Variants in CERK observed in about 807,000 individuals in gnomAD.
The protein encoded by CERK is ceramide kinase.
Under a neutral mutation model 63.4 loss-of-function variants are expected in CERK, and 39 were observed. The ratio of observed to expected loss-of-function variants is 0.61; its 90% CI spans 0.48 to 0.80. CERK has a LOEUF of 0.80. Among genes scored for constraint, CERK ranks in the 30% least tolerant of loss-of-function variants. The pLI is 0.00. For missense variants in CERK, 670 were observed against 714.1 expected, an observed-to-expected ratio of 0.94 and a Z score of 0.70; for synonymous variants, 302 against 280.0, an observed-to-expected ratio of 1.08 and a Z score of -0.78.
chr22:46,723,626 CAA>C (rs1313458859), intron 1 of CERK, among the ~76,000 whole-genome samples: 5 of 150,842 alleles, frequency 3.3e-5, no homozygotes, highest in Non-Finnish European at 7.4e-5. Context: ...CTCAGGAAAA[CAA>C]AAAAAGAAGA....
At chr22:46,725,466 C>T (rs1027110607) in intron 1 of CERK, among the ~76,000 whole-genome samples, 3 of 152,172 alleles carry the variant, frequency 2.0e-5, no homozygotes, top group African/African-American at 7.2e-5. Context: ...AAATTGCCGG[C>T]ACCAAGCAGC....
At chr22:46,693,380 C>G in intron 10 of CERK, 47 bp downstream of exon 10, 1 of 1,536,242 alleles carries the variant, frequency 6.5e-7, no homozygotes, top group South Asian at 1.1e-5. Flanking sequence ...GAAACCCGCA[C>G]TCCAGCACAC....
intron 1 of CERK, among the ~76,000 whole-genome samples, chr22:46,734,171 T>C (rs912927438): frequency 6.6e-6 from 1 of 152,044 alleles, no homozygotes; most frequent in Non-Finnish European, 1.5e-5. Flanking sequence ...TCAGGGTGTC[T>C]TTATCCACAT....
Position 46,712,212 on chromosome 22 carries a change from A to G in CERK, c.461T>C (p.Val154Ala), listed in dbSNP as rs2082844656. 1 of 1,614,122 alleles carries G rather than the reference A, an allele frequency of 6.2e-7. No individual in the cohort carries two copies. Among genetic ancestry groups the G allele is most frequent in the African/African-American group, 1.3e-5 (1 of 74,954 alleles). ...GGAGGCTAAGGTGAACAGTGGTGCC[A>G]CTTTTCTTTCATATATCCGCTTGCC... ...GQGKRIYERK[V>A]APLFTLASIT... is the part of the protein sequence containing the mutation. The change falls in exon 4 of 13, where the codon GTG (valine) becomes GCG (alanine). Residue 154 changes from valine to alanine, a missense_variant. Transcript: ENST00000216264.
chr22:46,705,737 A>G (rs1172373639), intron 6 of CERK, among the ~76,000 whole-genome samples: 1 of 151,952 alleles, frequency 6.6e-6, no homozygotes, highest in African/African-American at 2.4e-5. Flanking sequence ...CAGCAAGACA[A>G]GTGGTGGGTG....
intron 1 of CERK, among the ~76,000 whole-genome samples, chr22:46,727,484 T>C (rs2082924928): frequency 6.7e-6 from 1 of 150,326 alleles, no homozygotes; most frequent in Admixed American, 6.6e-5. Context: ...GGGGTCTCTC[T>C]GTGTTGCCCT....
At chr22:46,737,454 C>T (rs1043170177) in intron 1 of CERK, among the ~76,000 whole-genome samples, 21 of 152,354 alleles carry the variant, frequency 1.4e-4, no homozygotes, top group African/African-American at 4.3e-4. Flanking sequence ...AGTAGCCAAC[C>T]CGTGGCACGG....
intron 12 of CERK, among the ~76,000 whole-genome samples, chr22:46,689,112 C>T (rs766165488): frequency 5.3e-5 from 8 of 152,236 alleles, no homozygotes; most frequent in Non-Finnish European, 8.8e-5. Flanking sequence ...GGCACCTGCC[C>T]CAGGGAGACC....
At position 46,737,998 on chromosome 22, in the gene CERK, G is replaced by T; in HGVS notation, c.142+9C>A. 7.7e-6 allele frequency: 9 copies of T among 1,170,230 alleles called. No homozygotes were observed. Among genetic ancestry groups the T allele is most frequent in the Non-Finnish European group, 9.5e-6 (9 of 950,722 alleles). The allele number at this position is 1,170,230 out of a possible 1,614,324, so 72.5% of individuals were successfully genotyped here. A position where few individuals can be genotyped will look rare whatever the true frequency, so the allele number is the denominator to read the frequency against. ...GGTCCGGCCGAACCCGGGCGGCGGC[G>T]ACACTCACCCGCGCCGGGGGCGCCG... On this transcript the variant is annotated intron_variant, in intron 1 of 12. Transcript: ENST00000216264.
chr22:46,728,699 C>T (rs898125171), intron 1 of CERK, among the ~76,000 whole-genome samples: 9 of 152,236 alleles, frequency 5.9e-5, no homozygotes, highest in Admixed American at 2.0e-4. Context: ...GGCAGTGAAC[C>T]GGGGACACCA....
chr22:46,701,329 C>T (rs2082782626), intron 7 of CERK, among the ~76,000 whole-genome samples: 1 of 152,270 alleles, frequency 6.6e-6, no homozygotes, highest in African/African-American at 2.4e-5. Flanking sequence ...GGGCAGCAGC[C>T]TCTGGAGGAG....
intron 3 of CERK, among the ~76,000 whole-genome samples, chr22:46,715,076 A>G (rs977674856): frequency 6.6e-6 from 1 of 152,222 alleles, no homozygotes; most frequent in Admixed American, 6.5e-5. Context: ...AAAAAAACCA[A>G]AACTCTCAGA....
Position 46,691,754 on chromosome 22 carries a change from C to A in CERK, c.1150G>T (p.Val384Phe), listed in dbSNP as rs143397270. The A allele has an allele frequency of 2.7e-5, 43 of 1,611,702 alleles. No individual in the cohort carries two copies. The highest frequency in any genetic ancestry group is 1.7e-4 in the Middle Eastern group (1 of 5,976). The change falls in exon 11 of 13, where the codon GTC (valine) becomes TTC (phenylalanine). Residue 384 changes from valine (V) to phenylalanine (F), a missense_variant. Physicochemically the swap from Val to Phe is conservative, Grantham distance 50. Transcript: ENST00000216264. ...TTGATGGCCAGAAACTTCCCACAGA[C>A]GACTTGCCACTCCTCCACGTCCTCT... ...AAEDVEEWQV[V>F]CGKFLAINAT...
In CERK at chr22:46,685,668, T is replaced by C. The variant is rs2082696509; in HGVS notation, c.*1466A>G. ...TTGAACCATTTGGCTTGCACAGTGCTCTCTGATAATGTGGTCCATAAAAAC... is the reference window on the plus strand; with the variant it reads ...TTGAACCATTTGGCTTGCACAGTGCCCTCTGATAATGTGGTCCATAAAAAC... On this transcript the variant is annotated 3_prime_UTR_variant, in exon 13 of 13. Coordinates refer to ENST00000216264, the MANE Select transcript of CERK (RefSeq NM_022766.6). 6.6e-6 allele frequency: 1 copy of C among 152,228 alleles called. No individual in the cohort carries two copies. The highest frequency in any genetic ancestry group is 1.5e-5 in the Non-Finnish European group (1 of 68,050). 9.4% of individuals were successfully genotyped at this position (152,228 alleles called of 1,614,324 possible). A position where few individuals can be genotyped will look rare whatever the true frequency, so the allele number is the denominator to read the frequency against.
At chr22:46,693,389 A>C (rs770654349) in intron 10 of CERK, 38 bp downstream of exon 10, 19 of 1,574,044 alleles carry the variant, frequency 1.2e-5, no homozygotes, top group Non-Finnish European at 1.5e-5. Context: ...ACTCCAGCAC[A>C]CACAGTGACA....
At position 46,692,426 on chromosome 22, in the gene CERK, T is replaced by TAA. The variant is rs553286743; in HGVS notation, c.1127-651_1127-650dup. On this transcript the variant is annotated intron_variant, in intron 10 of 12. Coordinates refer to ENST00000216264, the MANE Select transcript of CERK (RefSeq NM_022766.6). ...GGGCAACAAGAGTAAAACTCTGTCT[T>TAA]AAAAAAAAAAAAAAAAAAAAAAAAA... 3.9e-3 allele frequency among the ~76,000 whole-genome samples: 366 copies of TAA among 93,094 alleles called. 5 individuals are homozygous for TAA. The highest frequency in any genetic ancestry group is 0.015 in the African/African-American group (305 of 20,976). 61.1% of individuals were successfully genotyped at this position (93,094 alleles called of 152,430 possible). A position where few individuals can be genotyped will look rare whatever the true frequency, so the allele number is the denominator to read the frequency against.
At chr22:46,736,708 G>A (rs1258333610) in intron 1 of CERK, among the ~76,000 whole-genome samples, 2 of 152,132 alleles carry the variant, frequency 1.3e-5, no homozygotes, top group Non-Finnish European at 2.9e-5. Context: ...ACAGATAGGT[G>A]ACCCCAGGGC....
chr22:46,708,905 G>C (rs780756958), intron 5 of CERK, among the ~76,000 whole-genome samples: 4 of 152,114 alleles, frequency 2.6e-5, no homozygotes, highest in Non-Finnish European at 2.9e-5. Context: ...AGCCTGAGGG[G>C]CCTCCCTCAA....
intron 1 of CERK, 123 bp from the exon 2 acceptor site, chr22:46,721,138 TGTG>T: frequency 1.5e-6 from 1 of 676,424 alleles, no homozygotes; most frequent in East Asian, 2.7e-5. Flanking sequence ...TCAGGCTGGG[TGTG>T]GTGGTGTGCA....
Sources: gnomAD v4.1 joint callset for allele counts (sites outside exome capture counted in the v4.1 genomes callset) on GRCh38, gnomAD v4.1.1 for gene constraint, MANE v1.5 for transcripts, NCBI Gene and HGNC (gene_info 2026-07-23, HGNC 2026-07-21) for gene names.